Variants in CBFA2T3 observed in about 807,000 individuals in gnomAD.
CBFA2T3 encodes the protein transcriptional corepressor CBFA2T3.
Under a neutral mutation model 58.6 loss-of-function variants are expected in CBFA2T3, and 31 were observed. The observed-to-expected ratio is 0.53, with a 90% confidence interval of 0.40 to 0.71. CBFA2T3 has a LOEUF of 0.71. Among genes scored for constraint, CBFA2T3 ranks in the 30% least tolerant of loss-of-function variants. The pLI is 0.00. For missense variants in CBFA2T3, 1,076 were observed against 963.1 expected (o/e 1.12, Z -1.55); for synonymous variants, 531 against 421.9 (o/e 1.26, Z -3.17).
Position 88,877,293 on chromosome 16 carries a change from G to C in CBFA2T3, c.1663-18C>G. On this transcript the variant is annotated intron_variant, in intron 11 of 11. Coordinates refer to ENST00000268679, the MANE Select transcript of CBFA2T3 (RefSeq NM_005187.6). ...CAGCAGCTCTGGGTGGGGGCAGAGGGGCCAGTCAGGGCTGGGTCTGGCCAC... is the reference window on the plus strand; with the variant it reads ...CAGCAGCTCTGGGTGGGGGCAGAGGCGCCAGTCAGGGCTGGGTCTGGCCAC... The C allele has an allele frequency of 2.0e-6, 3 of 1,531,874 alleles. No homozygotes were observed. Among genetic ancestry groups the C allele is most frequent in the Non-Finnish European group, 2.6e-6 (3 of 1,137,930 alleles). 94.9% of individuals were successfully genotyped at this position (1,531,874 alleles called of 1,614,324 possible). A position where few individuals can be genotyped will look rare whatever the true frequency, so the allele number is the denominator to read the frequency against.
chr16:88,960,235 G>A (rs374256343), intron 1 of CBFA2T3, among the ~76,000 whole-genome samples: 1 of 152,124 alleles, frequency 6.6e-6, no homozygotes, highest in Non-Finnish European at 1.5e-5. Flanking sequence ...GGCTGGGAGG[G>A]CAGGGCACTC....
In CBFA2T3 at chr16:88,901,654, G is replaced by A; in HGVS notation, c.154C>T (p.Pro52Ser). Reference protein sequence around the residue: ...PRGPRKGGPAPVDRKAKASAM... With the variant: ...PRGPRKGGPASVDRKAKASAM... ...GAGGCCTTAGCTTTCCTGTCCACTGGGGCTGCGACCAACGGAGAAAGAAAG... is the reference window on the plus strand; with the variant it reads ...GAGGCCTTAGCTTTCCTGTCCACTGAGGCTGCGACCAACGGAGAAAGAAAG... The change falls in exon 2 of 12, where the codon CCA (proline) becomes TCA (serine). Residue 52 changes from proline (P) to serine (S), a missense_variant and splice_region_variant. Coordinates refer to ENST00000268679, the MANE Select transcript of CBFA2T3 (RefSeq NM_005187.6). The A allele has an allele frequency of 6.5e-7, 1 of 1,527,238 alleles. No homozygotes were observed. 94.6% of individuals were successfully genotyped at this position (1,527,238 alleles called of 1,614,324 possible). A position where few individuals can be genotyped will look rare whatever the true frequency, so the allele number is the denominator to read the frequency against.
chr16:88,885,512 T>C lies in CBFA2T3; in HGVS notation c.894-243A>G, dbSNP rs976244290. ...TCCAGCTGCATGGCATCCTGGGGCCTGGTGGTCAAAGAGCCGGACTCGCTG... is the reference window on the plus strand; with the variant it reads ...TCCAGCTGCATGGCATCCTGGGGCCCGGTGGTCAAAGAGCCGGACTCGCTG... On this transcript the variant is annotated intron_variant, in intron 6 of 11. Coordinates refer to ENST00000268679, the MANE Select transcript of CBFA2T3 (RefSeq NM_005187.6). The surrounding 1 kb of genome is among the most constrained non-coding windows in gnomAD (Gnocchi z 5.3). Among the ~76,000 whole-genome samples, 7 of 152,064 alleles carry C rather than the reference T, an allele frequency of 4.6e-5. No individual in the cohort carries two copies. Among genetic ancestry groups the C allele is most frequent in the Non-Finnish European group, 8.8e-5 (6 of 67,974 alleles).
In CBFA2T3 at chr16:88,953,770, C is replaced by T. The variant is rs555589699; in HGVS notation, c.151+22887G>A. Among the ~76,000 whole-genome samples the T allele has an allele frequency of 5.3e-5, 8 of 152,244 alleles. No individual in the cohort carries two copies. The highest frequency in any genetic ancestry group is 1.9e-4 in the East Asian group (1 of 5,182). On this transcript the variant is annotated intron_variant, in intron 1 of 11. Coordinates refer to ENST00000268679, the MANE Select transcript of CBFA2T3 (RefSeq NM_005187.6). This position sits in a 1 kb window ranked among gnomAD's most constrained non-coding sequence, Gnocchi z 4.9. ...GGAAAATAAACATTTGGGTTTATTT[C>T]GCTGTGACTGCACCCCCTGAATCTT...
intron 1 of CBFA2T3, among the ~76,000 whole-genome samples, chr16:88,914,411 AATG>A (rs1970624944): frequency 6.6e-6 from 1 of 152,200 alleles, no homozygotes; most frequent in Non-Finnish European, 1.5e-5. Context: ...TAATTGCAAA[AATG>A]ATGTCACGGG....
At chr16:88,882,421 A>T (rs1381713997) in intron 8 of CBFA2T3, among the ~76,000 whole-genome samples, 1 of 130,488 alleles carries the variant, frequency 7.7e-6, no homozygotes, top group Non-Finnish European at 1.6e-5. Flanking sequence ...CTGTGTGTGT[A>T]TGGCTGTGTG....
chr16:88,898,516 G>A (rs1370673791), intron 2 of CBFA2T3, among the ~76,000 whole-genome samples: 2 of 152,212 alleles, frequency 1.3e-5, no homozygotes, highest in African/African-American at 4.8e-5. Flanking sequence ...TGGCAGCACT[G>A]TTCCGGAGTT....
chr16:88,957,333 T>C (rs922590596), intron 1 of CBFA2T3, among the ~76,000 whole-genome samples: 1 of 152,260 alleles, frequency 6.6e-6, no homozygotes, highest in African/African-American at 2.4e-5. Context: ...CCACGGCAGA[T>C]GCCACTGCCT....
rs1968777327 is a variant in CBFA2T3 at position 88,875,051 on chromosome 16, A to G, written c.*1925T>C. On this transcript the variant is annotated 3_prime_UTR_variant, in exon 12 of 12. Coordinates refer to ENST00000268679, the MANE Select transcript of CBFA2T3 (RefSeq NM_005187.6). Reference sequence around the variant, plus strand: ...TGAGTTCCTAGAACTCCTGATAGCCACGCACACAGATGCCAGGCCACGGGC... The same window carrying G: ...TGAGTTCCTAGAACTCCTGATAGCCGCGCACACAGATGCCAGGCCACGGGC... The G allele has an allele frequency of 4.2e-6, 1 of 235,774 alleles. No homozygotes were observed. Among genetic ancestry groups the G allele is most frequent in the South Asian group, 1.6e-4 (1 of 6,442 alleles). The allele number at this position is 235,774 out of a possible 1,614,324, so 14.6% of individuals were successfully genotyped here. A position where few individuals can be genotyped will look rare whatever the true frequency, so the allele number is the denominator to read the frequency against.
In CBFA2T3 at chr16:88,876,970, G is replaced by C; in HGVS notation, c.*6C>G. 1 of 1,426,842 alleles carries C rather than the reference G, an allele frequency of 7.0e-7. No homozygotes were observed. The highest frequency in any genetic ancestry group is 1.5e-5 in the South Asian group (1 of 67,116). 88.4% of individuals were successfully genotyped at this position (1,426,842 alleles called of 1,614,324 possible). On this transcript the variant is annotated 3_prime_UTR_variant, in exon 12 of 12. Coordinates refer to ENST00000268679, the MANE Select transcript of CBFA2T3 (RefSeq NM_005187.6). ...GCTGTGTCCGGCAGGCCAGGGGCCA[G>C]TGGGGTCAGCGGGGCACGGTGTCCA...
Position 88,976,803 on chromosome 16 carries a change from G to A in CBFA2T3, c.5C>T (p.Pro2Leu), listed in dbSNP as rs752647580. Residue 2 changes from proline (P) to leucine (L), a missense_variant, in exon 1 of 12, where the codon CCG becomes CTG. Pro to Leu is a moderately conservative substitution (Grantham distance 98, BLOSUM62 -3). Transcript: ENST00000268679. ...TGCCCTGTCCCTCAGTCTTGAAGCC[G>A]GCATGAGGAGGGCCACCCTCAGGGG... MPASRLRDRAAS... is the reference protein window; with the variant it reads MLASRLRDRAAS... 6.4e-6 allele frequency: 10 copies of A among 1,552,180 alleles called. No individual in the cohort carries two copies. Among genetic ancestry groups the A allele is most frequent in the South Asian group, 4.7e-5 (4 of 84,268 alleles).
At position 88,877,026 on chromosome 16, in the gene CBFA2T3, G is replaced by A. The variant is rs868444231; in HGVS notation, c.1912C>T (p.Arg638Cys). Residue 638 changes from arginine (R) to cysteine (C), a missense_variant, in exon 12 of 12, where the codon CGC becomes TGC. Transcript: ENST00000268679. ...PSEAGSAGPS[R>C]PGSPSPPGPL... ...CCAGGTGGGCTGGGGGAGCCGGGGCGAGAAGGCCCCGCAGAGCCGGCTTCG... is the reference window on the plus strand; with the variant it reads ...CCAGGTGGGCTGGGGGAGCCGGGGCAAGAAGGCCCCGCAGAGCCGGCTTCG... The A allele has an allele frequency of 6.7e-6, 10 of 1,490,932 alleles. No individual in the cohort carries two copies. The highest frequency in any genetic ancestry group is 2.5e-5 in the East Asian group (1 of 39,648). 92.4% of individuals were successfully genotyped at this position (1,490,932 alleles called of 1,614,324 possible). A position where few individuals can be genotyped will look rare whatever the true frequency, so the allele number is the denominator to read the frequency against.
chr16:88,882,608 G>T, intron 8 of CBFA2T3, 68 bp downstream of exon 8: 2 of 944,614 alleles, frequency 2.1e-6, no homozygotes, highest in Non-Finnish European at 3.3e-6. Flanking sequence ...GTGTGTGCGT[G>T]GCTGTGTGTG....
intron 1 of CBFA2T3, among the ~76,000 whole-genome samples, chr16:88,931,598 G>A (rs920238435): frequency 6.7e-6 from 1 of 149,994 alleles, no homozygotes; most frequent in Non-Finnish European, 1.5e-5. Flanking sequence ...AGCCAGAGGT[G>A]GAGAAGGGCC....
intron 1 of CBFA2T3, among the ~76,000 whole-genome samples, chr16:88,905,575 T>C (rs1012231292): frequency 2.0e-5 from 3 of 151,016 alleles, no homozygotes; most frequent in Admixed American, 1.3e-4. Flanking sequence ...AAATGCCTCT[T>C]TGGGTTCCCC....
In CBFA2T3 at chr16:88,875,823, A is replaced by G. The variant is rs1968811646; in HGVS notation, c.*1153T>C. The G allele has an allele frequency of 1.3e-5, 3 of 233,358 alleles. No individual in the cohort carries two copies. The highest frequency in any genetic ancestry group is 2.5e-5 in the Non-Finnish European group (3 of 117,998). 14.5% of individuals were successfully genotyped at this position (233,358 alleles called of 1,614,324 possible). The stretch of plus-strand genomic sequence containing the variant: ...AAAACTTTAGCACTTTTTTTCCACA[A>G]GTGGAAAACGGAAATATGAAAAGTC... On this transcript the variant is annotated 3_prime_UTR_variant, in exon 12 of 12. Coordinates refer to ENST00000268679, the MANE Select transcript of CBFA2T3 (RefSeq NM_005187.6).
chr16:88,937,333 G>C (rs1314395617), intron 1 of CBFA2T3: 5 of 152,338 alleles, frequency 3.3e-5, no homozygotes, highest in Admixed American at 3.3e-4. Context: ...TGGTGACGCT[G>C]TCGTGAGCCT....
intron 3 of CBFA2T3, among the ~76,000 whole-genome samples, chr16:88,895,796 C>T (rs1442953037): frequency 6.6e-6 from 1 of 152,206 alleles, no homozygotes; most frequent in East Asian, 1.9e-4. Context: ...AGACACGGCC[C>T]TGCCCTCGAG....
chr16:88,949,447 T>C (rs1302895756), intron 1 of CBFA2T3, among the ~76,000 whole-genome samples: 1 of 151,624 alleles, frequency 6.6e-6, no homozygotes, highest in Non-Finnish European at 1.5e-5. Flanking sequence ...TAGTCCCAGC[T>C]ATTCGGGAGG....
Sources: allele counts gnomAD v4.1 joint callset (sites outside exome capture counted in the v4.1 genomes callset), GRCh38; gene constraint gnomAD v4.1.1; non-coding constraint Gnocchi (gnomAD v3.1); transcripts MANE v1.5; gene names NCBI Gene and HGNC (gene_info 2026-07-23, HGNC 2026-07-21).